OR52N4: variants seen among roughly 807,000 people sequenced by gnomAD.
The protein encoded by OR52N4 is olfactory receptor family 52 subfamily N member 4.
Under a neutral mutation model 15.0 loss-of-function variants are expected in OR52N4, and 15 were observed. The ratio of observed to expected loss-of-function variants is 1.00; its 90% CI spans 0.67 to 1.54. OR52N4 has a LOEUF of 1.54. Among genes scored for constraint, OR52N4 ranks in the 40% most tolerant of loss-of-function variants. The probability of loss-of-function intolerance (pLI) is 0.00; values close to 1 mark genes in which losing one functional copy is unlikely to be tolerated. For missense variants in OR52N4, 421 were observed against 394.0 expected, an observed-to-expected ratio of 1.07 and a Z score of -0.58; for synonymous variants, 143 against 143.7, an observed-to-expected ratio of 1.00 and a Z score of 0.03.
the OR52N4 span, among the ~76,000 whole-genome samples, chr11:5,729,114 A>ATTTTCTTT: frequency 1.2e-5 from 1 of 82,916 alleles, no homozygotes; most frequent in African/African-American, 4.8e-5. Flanking sequence ...TTAAATTGAG[A>ATTTTCTTT]TTTTTTTTTT....
the OR52N4 span, among the ~76,000 whole-genome samples, chr11:5,731,251 C>T: frequency 2.0e-5 from 3 of 152,158 alleles, no homozygotes; most frequent in Admixed American, 6.6e-5. Context: ...GCAGTCTAAG[C>T]GCTCTAAGTT....
the OR52N4 span, among the ~76,000 whole-genome samples, chr11:5,746,336 AGAAAC>A: frequency 3.8e-4 from 58 of 152,336 alleles, 1 homozygote; most frequent in African/African-American, 1.3e-3. Flanking sequence ...GCAAAGCAAA[AGAAAC>A]AATCAAGAGA....
the OR52N4 span, among the ~76,000 whole-genome samples, chr11:5,735,038 G>T: frequency 3.3e-5 from 5 of 151,838 alleles, no homozygotes; most frequent in Non-Finnish European, 7.4e-5. Context: ...TACAACAAAA[G>T]AATTTTATTT....
At chr11:5,733,360 G>T in the OR52N4 span, among the ~76,000 whole-genome samples, 4 of 152,088 alleles carry the variant, frequency 2.6e-5, no homozygotes, top group African/African-American at 9.7e-5. Context: ...GTAACACTCT[G>T]TTGTTACCTT....
the OR52N4 span, among the ~76,000 whole-genome samples, chr11:5,742,131 G>A: frequency 0.016 from 2,354 of 150,748 alleles, 59 homozygotes; most frequent in African/African-American, 0.054. Context: ...GAGAAAGAAA[G>A]AAAAGAAAGA....
Position 5,754,820 on chromosome 11 carries a change from T to A in OR52N4, c.80T>A (p.Leu27His). Reference protein sequence around the residue: ...NGVPGLEDTQLWISFPFCSMY... With the variant: ...NGVPGLEDTQHWISFPFCSMY... The stretch of plus-strand genomic sequence containing the variant: ...GTCCCAGGACTGGAAGACACACAAC[T>A]CTGGATTTCCTTCCCATTCTGCTCT... Residue 27 changes from leucine to histidine, a missense_variant, in exon 2 of 2, where the codon CTC becomes CAC. By Grantham distance (99) the Leu-to-His change is moderately conservative. Transcript: ENST00000641350. 6.2e-6 allele frequency: 10 copies of A among 1,613,742 alleles called. No homozygotes were observed. The highest frequency in any genetic ancestry group is 7.6e-6 in the Non-Finnish European group (9 of 1,179,768).
chr11:5,750,448 G>GC (rs201288053), upstream of OR52N4, among the ~76,000 whole-genome samples: 12,167 of 151,966 alleles, frequency 0.08, 604 homozygotes, highest in Middle Eastern at 0.17. Context: ...ACAAAGCAAT[G>GC]TATAGCCCAA....
chr11:5,754,443 G>A (rs955729278), intron 1 of OR52N4, 138 bp downstream of exon 1: 8 of 305,752 alleles, frequency 2.6e-5, no homozygotes, highest in African/African-American at 1.3e-4. Flanking sequence ...TTGGGAATAT[G>A]TCTTTTTATA....
the OR52N4 span, among the ~76,000 whole-genome samples, chr11:5,727,619 G>A: frequency 3.3e-5 from 5 of 152,150 alleles, no homozygotes; most frequent in East Asian, 9.6e-4. Flanking sequence ...ACAGAGAAGG[G>A]CATTCTTTCT....
At chr11:5,729,120 T>A in the OR52N4 span, among the ~76,000 whole-genome samples, 3 of 133,790 alleles carry the variant, frequency 2.2e-5, no homozygotes, top group Non-Finnish European at 4.9e-5. Flanking sequence ...TGAGATTTTT[T>A]TTTTTTTTTT....
the OR52N4 span, among the ~76,000 whole-genome samples, chr11:5,744,348 C>A: frequency 0.064 from 9,797 of 152,250 alleles, 394 homozygotes; most frequent in East Asian, 0.2. Context: ...TCCTCCCTAA[C>A]TGGTTCTATG....
At chr11:5,753,375 T>A (rs150931619), upstream of OR52N4, among the ~76,000 whole-genome samples, 405 of 152,246 alleles carry the variant, frequency 2.7e-3, no homozygotes, top group African/African-American at 9.3e-3. Context: ...TTTTACTTAT[T>A]TTTCTGATTA....
the OR52N4 span, among the ~76,000 whole-genome samples, chr11:5,733,137 TC>T: frequency 6.6e-6 from 1 of 152,228 alleles, no homozygotes; most frequent in Admixed American, 6.5e-5. Flanking sequence ...AATCTGGTCT[TC>T]ACATTGCTGC....
At chr11:5,741,247 G>A in the OR52N4 span, among the ~76,000 whole-genome samples, 2 of 152,210 alleles carry the variant, frequency 1.3e-5, no homozygotes, top group African/African-American at 4.8e-5. Flanking sequence ...AATTAAGGGA[G>A]CTTAATCAAG....
At chr11:5,739,719 C>T in the OR52N4 span, among the ~76,000 whole-genome samples, 2 of 127,988 alleles carry the variant, frequency 1.6e-5, no homozygotes, top group Non-Finnish European at 3.5e-5. Context: ...TTCAAGGGAA[C>T]CTGATATAAG....
At chr11:5,730,426 C>T in the OR52N4 span, among the ~76,000 whole-genome samples, 4 of 151,750 alleles carry the variant, frequency 2.6e-5, no homozygotes, top group African/African-American at 7.3e-5. Context: ...CTTCTGACCT[C>T]GTGATCCGCC....
At chr11:5,738,712 C>T in the OR52N4 span, among the ~76,000 whole-genome samples, 1 of 151,854 alleles carries the variant, frequency 6.6e-6, no homozygotes, top group Admixed American at 6.6e-5. Context: ...GGCAGGAGGT[C>T]GATATAGAAA....
At chr11:5,732,776 T>C in the OR52N4 span, among the ~76,000 whole-genome samples, 1 of 152,186 alleles carries the variant, frequency 6.6e-6, no homozygotes, top group African/African-American at 2.4e-5. Context: ...AATTGTTCCT[T>C]TGCTCTCTGG....
chr11:5,749,104 T>C, the OR52N4 span, among the ~76,000 whole-genome samples: 1 of 149,160 alleles, frequency 6.7e-6, no homozygotes, highest in Non-Finnish European at 1.5e-5. Flanking sequence ...TATAGGCTGA[T>C]AGCTGTGGAT....
Sources: gnomAD v4.1 joint callset for allele counts (sites outside exome capture counted in the v4.1 genomes callset) on GRCh38, gnomAD v4.1.1 for gene constraint, MANE v1.5 for transcripts, NCBI Gene and HGNC (gene_info 2026-07-23, HGNC 2026-07-21) for gene names.